Variants in ZNF710 observed in about 807,000 individuals in gnomAD.
ZNF710 encodes the protein zinc finger protein 710.
Under a neutral mutation model 50.6 loss-of-function variants are expected in ZNF710, and 13 were observed. The observed-to-expected ratio is 0.26, with a 90% CI of 0.17 to 0.41. The LOEUF (loss-of-function observed/expected upper bound fraction) is 0.41, where lower values mean the gene tolerates loss of function less well. ZNF710 is among the 10% of genes least tolerant of loss of function. The pLI, the probability that ZNF710 is intolerant of heterozygous loss-of-function variation, is 1.00. For synonymous variants in ZNF710, 383 were observed against 397.0 expected, an observed-to-expected ratio of 0.96 and a Z score of 0.42; for missense variants, 721 against 936.6, an observed-to-expected ratio of 0.77 and a Z score of 3.01.
intron 1 of ZNF710, among the ~76,000 whole-genome samples, chr15:90,029,429 C>T (rs115272625): frequency 9.3e-4 from 141 of 152,264 alleles, no homozygotes; most frequent in African/African-American, 3.2e-3. Context: ...TGAACAAACT[C>T]CAACTCAAAC....
intron 1 of ZNF710, among the ~76,000 whole-genome samples, chr15:90,031,494 C>A (rs969850285): frequency 6.6e-6 from 1 of 152,206 alleles, no homozygotes; most frequent in Non-Finnish European, 1.5e-5. Context: ...AATCGGAAGA[C>A]TAGAGAGGTT....
chr15:90,002,354 C>G (rs1381317981), intron 1 of ZNF710: 1 of 143,782 alleles, frequency 7.0e-6, no homozygotes, highest in African/African-American at 2.6e-5. Context: ...GGCCGGGGAC[C>G]CAGGACCGGC....
At chr15:90,061,989 A>G (rs1182348440) in intron 1 of ZNF710, among the ~76,000 whole-genome samples, 1 of 151,480 alleles carries the variant, frequency 6.6e-6, no homozygotes, top group Non-Finnish European at 1.5e-5. Context: ...CCCCCAGACG[A>G]TGAGTCTTTG....
At chr15:90,066,474 AT>A (rs71461840) in intron 1 of ZNF710, among the ~76,000 whole-genome samples, 1,826 of 120,482 alleles carry the variant, frequency 0.015, 4 homozygotes, top group African/African-American at 0.031. Context: ...ATTTTTAAGG[AT>A]TTTTTTTTTT....
intron 1 of ZNF710, among the ~76,000 whole-genome samples, chr15:90,023,501 G>T (rs531084105): frequency 6.6e-6 from 1 of 152,184 alleles, no homozygotes; most frequent in African/African-American, 2.4e-5. Context: ...GTGCCTGTAG[G>T]TGGCATCAAA....
Position 90,037,221 on chromosome 15 carries a change from C to T in ZNF710, c.-28-29889C>T, listed in dbSNP as rs114048256. Among the ~76,000 whole-genome samples the T allele has an allele frequency of 5.4e-3, 823 of 152,312 alleles. 13 individuals carry two copies. The highest frequency in any genetic ancestry group is 0.018 in the African/African-American group (746 of 41,568). ...AGGTTCATTCCCCGGGTGGCCCACA[C>T]GCTGTTTTTAAGTTTAGCTCTCCAA... On this transcript the variant is annotated intron_variant, in intron 1 of 4. Transcript: ENST00000268154.
At chr15:90,071,462 G>A (rs932749879) in intron 2 of ZNF710, among the ~76,000 whole-genome samples, 2 of 151,906 alleles carry the variant, frequency 1.3e-5, no homozygotes, top group African/African-American at 2.4e-5. Context: ...TGTGTCAGGA[G>A]GGGGTATACA....
intron 1 of ZNF710, among the ~76,000 whole-genome samples, chr15:90,055,835 A>G (rs1048371212): frequency 5.3e-5 from 8 of 152,326 alleles, no homozygotes; most frequent in Admixed American, 4.6e-4. Context: ...CAAGAGCTCC[A>G]CAGGCACGGT....
intron 1 of ZNF710, among the ~76,000 whole-genome samples, chr15:90,052,084 T>TG (rs896136504): frequency 2.0e-5 from 3 of 152,128 alleles, no homozygotes; most frequent in African/African-American, 7.2e-5. Context: ...ACCTTGCTCC[T>TG]GGGGCCCAGG....
rs1414916245 is a variant in ZNF710 at position 90,079,734 on chromosome 15, A to C, written c.1900A>C (p.Asn634His). 4 of 1,613,792 alleles carry C rather than the reference A, an allele frequency of 2.5e-6. No individual in the cohort carries two copies. Among genetic ancestry groups the C allele is most frequent in the Non-Finnish European group, 3.4e-6 (4 of 1,179,922 alleles). The change falls in exon 5 of 5, where the codon AAC (asparagine) becomes CAC (histidine). Residue 634 changes from asparagine to histidine, a missense_variant. Asn to His is a moderately conservative substitution (Grantham distance 68). Transcript: ENST00000268154. Reference protein sequence around the residue: ...GQQEMEDFEENAYSYASVDSS... With the variant: ...GQQEMEDFEEHAYSYASVDSS... ...GCAGGAGATGGAGGACTTCGAGGAGAACGCCTACAGCTATGCGAGCGTGGA... is the reference window on the plus strand; with the variant it reads ...GCAGGAGATGGAGGACTTCGAGGAGCACGCCTACAGCTATGCGAGCGTGGA...
chr15:90,018,757 C>T (rs1898526794), intron 1 of ZNF710, among the ~76,000 whole-genome samples: 1 of 152,196 alleles, frequency 6.6e-6, no homozygotes, highest in Non-Finnish European at 1.5e-5. Context: ...TGTCTCCCTG[C>T]TGGTGGCTCT....
chr15:90,034,428 C>CTGTTTGTG lies in ZNF710; in HGVS notation c.-28-32679_-28-32678insTTGTGTGT, dbSNP rs1899047686. ...AGCTGTCCTTCCTGTTTCCAAATTCCTGTGTGTGTGTGTGTGTGTGTGTGT... is the reference window on the plus strand; with the variant it reads ...AGCTGTCCTTCCTGTTTCCAAATTCCTGTTTGTGTGTGTGTGTGTGTGTGTGTGTGTGT... On this transcript the variant is annotated intron_variant, in intron 1 of 4. Coordinates refer to ENST00000268154, the MANE Select transcript of ZNF710 (RefSeq NM_198526.4). This position sits in a 1 kb window ranked among gnomAD's most constrained non-coding sequence, Gnocchi z 4.0. 7.3e-6 allele frequency among the ~76,000 whole-genome samples: 1 copy of CTGTTTGTG among 136,198 alleles called. No homozygotes were observed. Among genetic ancestry groups the CTGTTTGTG allele is most frequent in the Non-Finnish European group, 1.6e-5 (1 of 62,214 alleles). 89.4% of individuals were successfully genotyped at this position (136,198 alleles called of 152,430 possible).
chr15:90,061,943 G>GGC (rs1445784995), intron 1 of ZNF710, among the ~76,000 whole-genome samples: 4 of 152,076 alleles, frequency 2.6e-5, no homozygotes, highest in Non-Finnish European at 5.9e-5. Flanking sequence ...CTGAGGAGAC[G>GGC]GCGTCCCTGC....
At chr15:90,037,778 G>A (rs909120921) in intron 1 of ZNF710, among the ~76,000 whole-genome samples, 3 of 152,200 alleles carry the variant, frequency 2.0e-5, no homozygotes, top group Non-Finnish European at 2.9e-5. Context: ...GCTTAAAGAT[G>A]AGGGATGTCG....
At chr15:90,063,184 T>C (rs1831218403) in intron 1 of ZNF710, among the ~76,000 whole-genome samples, 1 of 151,988 alleles carries the variant, frequency 6.6e-6, no homozygotes, top group Non-Finnish European at 1.5e-5. Context: ...TCCTGAGAAC[T>C]GAGGAGCCAG....
chr15:90,069,094 G>C (rs1900288491), intron 2 of ZNF710, among the ~76,000 whole-genome samples: 3 of 152,030 alleles, frequency 2.0e-5, no homozygotes, highest in Admixed American at 2.0e-4. Flanking sequence ...TGGGTGTGGT[G>C]GTGGATGCCT....
intron 1 of ZNF710, among the ~76,000 whole-genome samples, chr15:90,041,008 CAA>C (rs1198958048): frequency 1.3e-5 from 2 of 152,152 alleles, no homozygotes; most frequent in African/African-American, 4.8e-5. Context: ...TTCTTTAAAA[CAA>C]GAGTTCATTA....
intron 1 of ZNF710, among the ~76,000 whole-genome samples, chr15:90,002,959 CG>C (rs976781918): frequency 2.0e-5 from 3 of 152,104 alleles, no homozygotes; most frequent in African/African-American, 7.2e-5. Context: ...CTGCAGCCTC[CG>C]TCTCCCGGGT....
intron 4 of ZNF710, chr15:90,075,251 T>C (rs951240724): frequency 6.6e-6 from 1 of 152,412 alleles, no homozygotes; most frequent in Admixed American, 6.5e-5. Context: ...CTGGGCATGA[T>C]GGCTCACACC....
Sources: gnomAD v4.1 joint callset for allele counts (sites outside exome capture counted in the v4.1 genomes callset) on GRCh38, gnomAD v4.1.1 for gene constraint, Gnocchi (gnomAD v3.1) non-coding constraint, MANE v1.5 for transcripts, NCBI Gene and HGNC (gene_info 2026-07-23, HGNC 2026-07-21) for gene names.